The following NBEA variants were observed in gnomAD, a reference collection of about 807,000 sequenced individuals.
NBEA encodes the protein lysosomal-trafficking regulator 2.
In NBEA, 44 loss-of-function variants were observed where a neutral mutation model predicts 343.4. The ratio of observed to expected loss-of-function variants is 0.13; its 90% CI spans 0.10 to 0.16. The LOEUF is 0.16. NBEA is among the 10% of genes least tolerant of loss of function. The probability of loss-of-function intolerance (pLI) is 1.00; values close to 1 mark genes in which losing one functional copy is unlikely to be tolerated. For synonymous variants in NBEA, 1,175 were observed against 1,238.7 expected (o/e 0.95, Z 1.08); for missense variants, 2,555 against 3,631.3 (o/e 0.70, Z 7.62).
At chr13:35,592,546 A>C (rs1199470701) in intron 46 of NBEA, among the ~76,000 whole-genome samples, 1 of 152,166 alleles carries the variant, frequency 6.6e-6, no homozygotes, top group Admixed American at 6.6e-5. Context: ...GCTGAGTCTT[A>C]AAGGATAAAA....
intron 38 of NBEA, among the ~76,000 whole-genome samples, chr13:35,427,179 G>A (rs1283105761): frequency 1.3e-5 from 2 of 152,182 alleles, no homozygotes; most frequent in Admixed American, 1.3e-4. Flanking sequence ...CTGGTGAGGA[G>A]CTGCGTTCCT....
chr13:35,121,468 T>C (rs970615215), intron 16 of NBEA, among the ~76,000 whole-genome samples: 1 of 151,936 alleles, frequency 6.6e-6, no homozygotes, highest in East Asian at 1.9e-4. Flanking sequence ...TTGCTTCTTA[T>C]GATTTCTTGA....
At chr13:35,176,353 T>C (rs1315447452) in intron 27 of NBEA, among the ~76,000 whole-genome samples, 1 of 152,084 alleles carries the variant, frequency 6.6e-6, no homozygotes, top group East Asian at 1.9e-4. Context: ...ATTTAATCCA[T>C]ACAATTTTTA....
chr13:35,298,476 T>A (rs2152823950), intron 35 of NBEA, among the ~76,000 whole-genome samples: 1 of 151,800 alleles, frequency 6.6e-6, no homozygotes, highest in South Asian at 2.1e-4. Flanking sequence ...ATGAAATATT[T>A]AATATAACTT....
chr13:35,352,316 T>A lies in NBEA; in HGVS notation c.6172T>A (p.Ser2058Thr). The A allele has an allele frequency of 6.8e-7, 1 of 1,473,888 alleles. No individual in the cohort carries two copies. The highest frequency in any genetic ancestry group is 9.1e-7 in the Non-Finnish European group (1 of 1,100,534). The allele number at this position is 1,473,888 out of a possible 1,614,324, so 91.3% of individuals were successfully genotyped here. Reference protein sequence around the residue: ...TNKHGAWGAVSHSQLHDFWRL... With the variant: ...TNKHGAWGAVTHSQLHDFWRL... ...TAAACATGGTGCTTGGGGAGCAGTT[T>A]CTCATAGGTGAGTTATAATAAATTC... Residue 2058 changes from serine (S) to threonine (T), a missense_variant, in exon 38 of 59, where the codon TCT becomes ACT. Transcript: ENST00000379939.
chr13:35,045,003 T>G lies in NBEA; in HGVS notation c.583T>G (p.Leu195Val). Residue 195 changes from leucine to valine, a missense_variant, in exon 3 of 59, where the codon TTG becomes GTG. Physicochemically the swap from Leu to Val is conservative, Grantham distance 32 (BLOSUM62 1). Around this residue, in one of 21 missense-constraint regions of NBEA, gnomAD observed 185 missense variants for 290.6 expected, o/e 0.64. Coordinates refer to ENST00000379939, the MANE Select transcript of NBEA (RefSeq NM_001385012.1). ...CAGCTACAGCATCACTGTCAAGGAG[T>G]TGAAGCTTTTGTTCAGCATGCTTCG... The part of the protein sequence containing the change: ...LASYSITVKE[L>V]KLLFSMLRGE... 6.2e-7 allele frequency: 1 copy of G among 1,611,796 alleles called. No individual in the cohort carries two copies. The highest frequency in any genetic ancestry group is 1.1e-5 in the South Asian group (1 of 90,556).
chr13:34,964,922 C>G (rs931963046), intron 1 of NBEA, among the ~76,000 whole-genome samples: 2 of 151,964 alleles, frequency 1.3e-5, no homozygotes, highest in African/African-American at 4.8e-5. Flanking sequence ...CATAGCGGTG[C>G]CTAGAGTAGA....
At chr13:35,447,079 C>T (rs1324782250) in intron 39 of NBEA, among the ~76,000 whole-genome samples, 1 of 151,964 alleles carries the variant, frequency 6.6e-6, no homozygotes. Flanking sequence ...AAATAAAATA[C>T]TGTATTTTTC....
At chr13:35,370,011 A>C (rs2041337619) in intron 38 of NBEA, among the ~76,000 whole-genome samples, 1 of 151,938 alleles carries the variant, frequency 6.6e-6, no homozygotes, top group East Asian at 1.9e-4. Flanking sequence ...TAGCTATTGG[A>C]TGAAATATTC....
At chr13:35,248,116 G>A (rs186037777) in intron 34 of NBEA, among the ~76,000 whole-genome samples, 202 of 152,206 alleles carry the variant, frequency 1.3e-3, no homozygotes, top group African/African-American at 4.8e-3. Flanking sequence ...ATAATATAAG[G>A]TCAGCATTGC....
chr13:35,123,426 G>T, intron 16 of NBEA, 56 bp from the exon 17 acceptor site: 1 of 914,404 alleles, frequency 1.1e-6, no homozygotes. Flanking sequence ...AGCATGTAGT[G>T]TGTTTTTGTT....
At chr13:35,654,691 C>T (rs9544910) in intron 53 of NBEA, among the ~76,000 whole-genome samples, 164 bp from the exon 54 acceptor site, 8 of 151,974 alleles carry the variant, frequency 5.3e-5, no homozygotes, top group East Asian at 1.9e-4. Context: ...ATAATTACTG[C>T]GAAGGAAATT....
At chr13:35,070,235 T>A in intron 9 of NBEA, 130 bp downstream of exon 9, 4 of 841,224 alleles carry the variant, frequency 4.8e-6, no homozygotes, top group Non-Finnish European at 5.2e-6. Context: ...GCAGATCTTT[T>A]AAGTGAAACT....
chr13:35,277,731 A>G (rs556674492), intron 34 of NBEA, among the ~76,000 whole-genome samples: 53 of 152,080 alleles, frequency 3.5e-4, no homozygotes, highest in African/African-American at 1.2e-3. Flanking sequence ...TCTAAAGGAA[A>G]AAAAGAAACC....
intron 27 of NBEA, among the ~76,000 whole-genome samples, chr13:35,174,796 A>T (rs1036646224): frequency 9.1e-5 from 13 of 143,518 alleles, no homozygotes; most frequent in African/African-American, 2.8e-4. Context: ...CTTCAGAGTA[A>T]TTTTTTTTTT....
At chr13:35,565,839 C>A (rs564660789) in intron 44 of NBEA, among the ~76,000 whole-genome samples, 1 of 152,138 alleles carries the variant, frequency 6.6e-6, no homozygotes, top group Admixed American at 6.6e-5. Context: ...CATATTCACC[C>A]TAAGATCGAG....
At chr13:35,469,251 T>G (rs2031650405) in intron 40 of NBEA, among the ~76,000 whole-genome samples, 1 of 152,154 alleles carries the variant, frequency 6.6e-6, no homozygotes, top group African/African-American at 2.4e-5. Context: ...TTTGATAAAT[T>G]GTTTCTTTTT....
chr13:35,238,256 G>A (rs192087593), intron 34 of NBEA, among the ~76,000 whole-genome samples: 55 of 152,214 alleles, frequency 3.6e-4, no homozygotes, highest in Non-Finnish European at 6.3e-4. Flanking sequence ...GTTATGATGC[G>A]GATATAGCAG....
chr13:35,649,024 TAAA>T (rs550506636), intron 51 of NBEA, among the ~76,000 whole-genome samples: 1 of 149,948 alleles, frequency 6.7e-6, no homozygotes, highest in Non-Finnish European at 1.5e-5. Flanking sequence ...TTAAAATAAT[TAAA>T]AAAAAAGAAG....
Sources: allele counts gnomAD v4.1 joint callset (sites outside exome capture counted in the v4.1 genomes callset), GRCh38; gene constraint gnomAD v4.1.1; regional missense constraint gnomAD v4.1.1; transcripts MANE v1.5; gene names NCBI Gene and HGNC (gene_info 2026-07-23, HGNC 2026-07-21).